Variants in COMMD7 observed in about 807,000 individuals in gnomAD.
COMMD7 encodes the protein COMM domain containing 7.
A neutral mutation model predicts 34.8 loss-of-function variants in COMMD7; 28 were observed. The observed-to-expected ratio is 0.80, with a 90% CI of 0.60 to 1.10. The LOEUF is 1.10. Among genes scored for constraint, COMMD7 ranks in the 50% least tolerant of loss-of-function variants. The probability of loss-of-function intolerance (pLI) is 0.00; values close to 1 mark genes in which losing one functional copy is unlikely to be tolerated. For synonymous variants in COMMD7, 80 were observed against 86.4 expected (o/e 0.93, Z 0.41); for missense variants, 211 against 241.6 (o/e 0.87, Z 0.84).
chr20:32,743,249 CAGGCCCGGATCCTGGAATCACCTGGG>C, intron 1 of COMMD7, 33 bp downstream of exon 1: 2 of 1,122,842 alleles, frequency 1.8e-6, no homozygotes, highest in Non-Finnish European at 2.5e-6. Context: ...CCCCCCACCC[CAGGCCCGGATCCTGGAATCACCTGGG>C]CCCCGCGCCC....
chr20:32,725,132 T>G (rs1366448104), intron 3 of COMMD7, among the ~76,000 whole-genome samples: 1 of 151,622 alleles, frequency 6.6e-6, no homozygotes, highest in Non-Finnish European at 1.5e-5. Context: ...GGATATAGAT[T>G]AACTAAAAGG....
In COMMD7 at chr20:32,727,925, C is replaced by T. The variant is rs755648030; in HGVS notation, c.209G>A (p.Ser70Asn). ...AACCAGAAGGAGGCTTTTCACGATGCTTCTGAGGGAGCCAAGACTGATCTG... is the reference window on the plus strand; with the variant it reads ...AACCAGAAGGAGGCTTTTCACGATGTTTCTGAGGGAGCCAAGACTGATCTG... ...TNQISLGSLR[S>N]IVKSLLLVPN... Residue 70 changes from serine (S) to asparagine (N), a missense_variant, in exon 3 of 9, where the codon AGC (serine) becomes AAC (asparagine). Coordinates refer to ENST00000278980, the MANE Select transcript of COMMD7 (RefSeq NM_053041.3). 22 of 1,613,976 alleles carry T rather than the reference C, an allele frequency of 1.4e-5. No individual in the cohort carries two copies. The highest frequency in any genetic ancestry group is 1.8e-5 in the Non-Finnish European group (21 of 1,180,000).
intron 6 of COMMD7, 63 bp from the exon 7 acceptor site, chr20:32,704,552 T>C: frequency 6.4e-7 from 1 of 1,555,888 alleles, no homozygotes; most frequent in African/African-American, 1.4e-5. Context: ...GATTGAGGAC[T>C]GACCCTGAAG....
At chr20:32,714,710 G>C (rs1984668295) in intron 3 of COMMD7, among the ~76,000 whole-genome samples, 1 of 152,030 alleles carries the variant, frequency 6.6e-6, no homozygotes, top group Non-Finnish European at 1.5e-5. Flanking sequence ...TGTAGTCCCA[G>C]CTACTCAGGC....
Position 32,712,269 on chromosome 20 carries a change from C to CAAAA in COMMD7, c.242-5513_242-5510dup, listed in dbSNP as rs56096713. On this transcript the variant is annotated intron_variant, in intron 3 of 8. Coordinates refer to ENST00000278980, the MANE Select transcript of COMMD7 (RefSeq NM_053041.3). ...TGGGCCACAGAGCAAGACTCCGTCT[C>CAAAA]AAAAAAAAAAAAAAAAAAAAAAAAA... Among the ~76,000 whole-genome samples, 122 of 71,780 alleles carry CAAAA rather than the reference C, an allele frequency of 1.7e-3. 1 individual carries two copies. The highest frequency in any genetic ancestry group is 2.1e-3 in the Non-Finnish European group (88 of 42,870). The allele number at this position is 71,780 out of a possible 152,430, so 47.1% of individuals were successfully genotyped here. A position where few individuals can be genotyped will look rare whatever the true frequency, so the allele number is the denominator to read the frequency against.
intron 3 of COMMD7, among the ~76,000 whole-genome samples, chr20:32,712,269 CAAAA>C (rs56096713): frequency 2.6e-4 from 19 of 71,826 alleles, no homozygotes; most frequent in Non-Finnish European, 1.4e-4. Context: ...GACTCCGTCT[CAAAA>C]AAAAAAAAAA....
chr20:32,706,638 G>A lies in COMMD7; in HGVS notation c.299-18C>T, dbSNP rs775491371. On this transcript the variant is annotated intron_variant, in intron 4 of 8. Coordinates refer to ENST00000278980, the MANE Select transcript of COMMD7 (RefSeq NM_053041.3). ...ACTAAGACCTATAAGAGAACAGAAG[G>A]AGATATTAACATAATAAAAAGCCTC... is the stretch of plus-strand genomic sequence containing the variant. 11 of 1,612,046 alleles carry A rather than the reference G, an allele frequency of 6.8e-6. 1 individual carries two copies. In the South Asian group the frequency reaches 1.2e-4, roughly 18 times the overall value.
Position 32,733,648 on chromosome 20 carries a change from T to G in COMMD7, c.85-5506A>C, listed in dbSNP as rs1388446471. Among the ~76,000 whole-genome samples the G allele has an allele frequency of 8.8e-5, 12 of 135,904 alleles. No homozygotes were observed. In the South Asian group the frequency reaches 2.4e-3, roughly 27 times the overall value. 89.2% of individuals were successfully genotyped at this position (135,904 alleles called of 152,430 possible). A position where few individuals can be genotyped will look rare whatever the true frequency, so the allele number is the denominator to read the frequency against. ...GGCAGAATTGCTTGAACCTGGGAGG[T>G]GGAGGTTGCAGTGAGCCGAGATTGC... is the stretch of plus-strand genomic sequence containing the variant. On this transcript the variant is annotated intron_variant, in intron 1 of 8. Coordinates refer to ENST00000278980, the MANE Select transcript of COMMD7 (RefSeq NM_053041.3).
At chr20:32,712,106 C>G (rs926695415) in intron 3 of COMMD7, among the ~76,000 whole-genome samples, 1 of 150,830 alleles carries the variant, frequency 6.6e-6, no homozygotes, top group South Asian at 2.1e-4. Flanking sequence ...CCCATCTCTA[C>G]TAAAAATACA....
intron 3 of COMMD7, among the ~76,000 whole-genome samples, chr20:32,727,224 CAA>C (rs765025702): frequency 8.1e-6 from 1 of 123,888 alleles, no homozygotes; most frequent in Non-Finnish European, 1.7e-5. Context: ...AAGACCCTGT[CAA>C]AAAAAAAAAA....
At chr20:32,735,596 C>T (rs1986096706) in intron 1 of COMMD7, among the ~76,000 whole-genome samples, 1 of 152,020 alleles carries the variant, frequency 6.6e-6, no homozygotes. Context: ...GGATTACAGG[C>T]GTGAGCCACT....
At chr20:32,727,408 G>A (rs1442571779) in intron 3 of COMMD7, among the ~76,000 whole-genome samples, 7 of 151,326 alleles carry the variant, frequency 4.6e-5, no homozygotes, top group Non-Finnish European at 8.8e-5. Context: ...GTGGTGGTGC[G>A]TGCCTGTAAT....
Position 32,716,021 on chromosome 20 carries a change from C to A in COMMD7, c.242-9261G>T, listed in dbSNP as rs1225221893. Among the ~76,000 whole-genome samples the A allele has an allele frequency of 2.0e-5, 3 of 151,972 alleles. No individual in the cohort carries two copies. The East Asian group carries it at 5.8e-4, about 29-fold the overall frequency. On this transcript the variant is annotated intron_variant, in intron 3 of 8. Transcript: ENST00000278980. ...TTATCCTTATAATAAAAGTATGAGT[C>A]TACTATTAGTTCTCAGGTACCATTG... is the stretch of plus-strand genomic sequence containing the variant.
chr20:32,733,863 C>T (rs555077849), intron 1 of COMMD7, among the ~76,000 whole-genome samples: 7 of 146,020 alleles, frequency 4.8e-5, no homozygotes, highest in East Asian at 4.2e-4. Context: ...CCAGCCTGGG[C>T]GGAGTGGAAC....
In COMMD7 at chr20:32,706,810, C is replaced by T. The variant is rs202183938; in HGVS notation, c.242-50G>A. On this transcript the variant is annotated intron_variant, in intron 3 of 8. Transcript: ENST00000278980. ...TAGAAAGGCAGACCAGTGAATTAGT[C>T]GGCAATAAGTATTTAATGGGCACAA... is the stretch of plus-strand genomic sequence containing the variant. 24 of 1,484,426 alleles carry T rather than the reference C, an allele frequency of 1.6e-5. No individual in the cohort carries two copies. In the African/African-American group the frequency reaches 2.5e-4, roughly 15 times the overall value. 92.0% of individuals were successfully genotyped at this position (1,484,426 alleles called of 1,614,324 possible). A position where few individuals can be genotyped will look rare whatever the true frequency, so the allele number is the denominator to read the frequency against.
chr20:32,703,665 T>A, intron 8 of COMMD7: 1 of 1,435,076 alleles, frequency 7.0e-7, no homozygotes, highest in Non-Finnish European at 9.1e-7. Flanking sequence ...GGGGAGTGAG[T>A]GTTCAAATGG....
intron 1 of COMMD7, among the ~76,000 whole-genome samples, chr20:32,732,225 C>T (rs1985880255): frequency 6.6e-6 from 1 of 152,148 alleles, no homozygotes; most frequent in Non-Finnish European, 1.5e-5. Context: ...GCTGAGATTA[C>T]AGGCACATGC....
At chr20:32,728,308 T>C (rs1428173437) in intron 1 of COMMD7, among the ~76,000 whole-genome samples, 166 bp from the exon 2 acceptor site, 4 of 152,066 alleles carry the variant, frequency 2.6e-5, no homozygotes, top group Non-Finnish European at 4.4e-5. Flanking sequence ...CCACCACCAG[T>C]GTCAATATAC....
chr20:32,733,893 A>AT (rs987713612), intron 1 of COMMD7, among the ~76,000 whole-genome samples: 58 of 149,802 alleles, frequency 3.9e-4, no homozygotes, highest in Non-Finnish European at 1.0e-4. Context: ...AAAAAAAAAA[A>AT]GAAGGCCGGG....
Sources: allele counts gnomAD v4.1 joint callset (sites outside exome capture counted in the v4.1 genomes callset), GRCh38; gene constraint gnomAD v4.1.1; transcripts MANE v1.5; gene names NCBI Gene and HGNC (gene_info 2026-07-23, HGNC 2026-07-21).